Variants in CTNND2 observed in about 807,000 individuals in gnomAD.
CTNND2 encodes the protein catenin delta-2.
CTNND2 carries 22 observed loss-of-function variants against 144.4 expected under a neutral mutation model. The ratio of observed to expected loss-of-function variants is 0.15; its 90% CI spans 0.11 to 0.22. The LOEUF (loss-of-function observed/expected upper bound fraction) is 0.22. CTNND2 is among the 10% of genes least tolerant of loss of function. CTNND2 has a pLI of 1.00. For synonymous variants in CTNND2, 751 were observed against 695.6 expected, an observed-to-expected ratio of 1.08 and a Z score of -1.25; for missense variants, 1,353 against 1,618.8, an observed-to-expected ratio of 0.84 and a Z score of 2.82.
At chr5:11,712,175 CAT>C (rs1254077211) in intron 2 of CTNND2, among the ~76,000 whole-genome samples, 2 of 152,164 alleles carry the variant, frequency 1.3e-5, no homozygotes, top group Non-Finnish European at 2.9e-5. Flanking sequence ...GAACTAGACA[CAT>C]ACAAACTACT....
chr5:11,555,906 A>G (rs1249976024), intron 3 of CTNND2, among the ~76,000 whole-genome samples: 1 of 152,198 alleles, frequency 6.6e-6, no homozygotes, highest in African/African-American at 2.4e-5. Flanking sequence ...ATATGTCTAT[A>G]GTCCCTCTAA....
chr5:11,533,886 T>C (rs1365475694), intron 3 of CTNND2, among the ~76,000 whole-genome samples: 1 of 152,204 alleles, frequency 6.6e-6, no homozygotes, highest in African/African-American at 2.4e-5. Flanking sequence ...CAGGGCTTAG[T>C]GATCTGGACT....
At chr5:11,262,934 C>A (rs988090114) in intron 9 of CTNND2, among the ~76,000 whole-genome samples, 16 of 152,136 alleles carry the variant, frequency 1.1e-4, no homozygotes, top group African/African-American at 3.6e-4. Flanking sequence ...ACTTTTCCTG[C>A]CGAGAATCGT....
chr5:11,333,544 G>A (rs1360462190), intron 9 of CTNND2, among the ~76,000 whole-genome samples: 2 of 152,136 alleles, frequency 1.3e-5, no homozygotes, highest in Non-Finnish European at 2.9e-5. Flanking sequence ...GGGAAAGATG[G>A]ATAGTTTTGT....
chr5:11,588,866 T>C (rs995781133), intron 2 of CTNND2: 10 of 985,314 alleles, frequency 1.0e-5, no homozygotes, highest in Non-Finnish European at 1.2e-5. Context: ...AGGCGGTTCC[T>C]GGCATCCTAC....
intron 11 of CTNND2, among the ~76,000 whole-genome samples, chr5:11,163,010 A>T (rs1416706892): frequency 6.6e-6 from 1 of 152,002 alleles, no homozygotes; most frequent in African/African-American, 2.4e-5. Context: ...TGGAAAATAA[A>T]TTTTTTCCTC....
chr5:11,569,675 G>A (rs1288939832), intron 2 of CTNND2, among the ~76,000 whole-genome samples: 2 of 152,028 alleles, frequency 1.3e-5, no homozygotes, highest in East Asian at 3.8e-4. Flanking sequence ...TAGTTGGGAT[G>A]GTATCATCCA....
intron 2 of CTNND2, among the ~76,000 whole-genome samples, chr5:11,692,877 C>T (rs1016048392): frequency 3.8e-4 from 58 of 152,230 alleles, no homozygotes; most frequent in Admixed American, 2.8e-3. Flanking sequence ...GCTGGGATTA[C>T]GGGCATGGGC....
intron 7 of CTNND2, among the ~76,000 whole-genome samples, chr5:11,378,808 G>A (rs1758188076): frequency 6.6e-6 from 1 of 151,982 alleles, no homozygotes; most frequent in Admixed American, 6.6e-5. Context: ...CTCATATAAA[G>A]TGTACCTGGA....
chr5:11,318,942 T>A (rs912336979), intron 9 of CTNND2, among the ~76,000 whole-genome samples: 12 of 151,692 alleles, frequency 7.9e-5, no homozygotes, highest in Non-Finnish European at 1.5e-5. Flanking sequence ...ATATATATAT[T>A]AATAATGAGA....
intron 9 of CTNND2, among the ~76,000 whole-genome samples, chr5:11,326,569 C>T (rs1422343557): frequency 6.6e-6 from 1 of 152,154 alleles, no homozygotes; most frequent in African/African-American, 2.4e-5. Flanking sequence ...CCATCCTGAA[C>T]AGAGTTTGCA....
intron 11 of CTNND2, among the ~76,000 whole-genome samples, chr5:11,177,162 C>T (rs963754609): frequency 6.6e-6 from 1 of 152,140 alleles, no homozygotes; most frequent in East Asian, 1.9e-4. Flanking sequence ...TCCCTTATTT[C>T]ACGTCAACAA....
chr5:11,903,588 A>T lies in CTNND2; in HGVS notation c.37+229T>A, dbSNP rs917825861. Among the ~76,000 whole-genome samples the T allele has an allele frequency of 1.1e-4, 16 of 152,112 alleles. No individual in the cohort carries two copies. Among genetic ancestry groups the T allele is most frequent in the African/African-American group, 3.9e-4 (16 of 41,436 alleles). ...GGAGCACGCAGGGCAGCCACTTGGTAACCGCTCCAAGAAAGGCACTAACCC... is the reference window on the plus strand; with the variant it reads ...GGAGCACGCAGGGCAGCCACTTGGTTACCGCTCCAAGAAAGGCACTAACCC... On this transcript the variant is annotated intron_variant, in intron 1 of 21. Transcript: ENST00000304623. The surrounding 1 kb of genome is among the most constrained non-coding windows in gnomAD (Gnocchi z 5.4).
At chr5:11,587,785 G>A (rs1003180699) in intron 2 of CTNND2, among the ~76,000 whole-genome samples, 14 of 152,004 alleles carry the variant, frequency 9.2e-5, no homozygotes, top group South Asian at 4.2e-4. Context: ...CCATTTTACC[G>A]CACTCACAAT....
chr5:11,153,751 C>T (rs1757962291), intron 12 of CTNND2, among the ~76,000 whole-genome samples: 1 of 150,932 alleles, frequency 6.6e-6, no homozygotes, highest in Non-Finnish European at 1.5e-5. Flanking sequence ...TATTGTTGTC[C>T]TTTAGGACAA....
chr5:11,473,256 A>G (rs1045068102), intron 3 of CTNND2, among the ~76,000 whole-genome samples: 4 of 152,200 alleles, frequency 2.6e-5, no homozygotes, highest in African/African-American at 9.7e-5. Context: ...ACCCAACTGA[A>G]GAAGGCCAAC....
intron 9 of CTNND2, among the ~76,000 whole-genome samples, chr5:11,319,354 T>G (rs1751810268): frequency 1.3e-5 from 2 of 152,202 alleles, no homozygotes; most frequent in South Asian, 4.1e-4. Flanking sequence ...ACAATAATTT[T>G]GTGTAAAATT....
At chr5:11,305,196 G>T (rs1417522273) in intron 9 of CTNND2, among the ~76,000 whole-genome samples, 1 of 151,832 alleles carries the variant, frequency 6.6e-6, no homozygotes, top group Non-Finnish European at 1.5e-5. Context: ...CCACCCGACA[G>T]GGCAGGTACT....
chr5:11,679,098 G>A (rs1389786009), intron 2 of CTNND2, among the ~76,000 whole-genome samples: 1 of 151,980 alleles, frequency 6.6e-6, no homozygotes, highest in Admixed American at 6.6e-5. Context: ...GGCCCTTCCT[G>A]AAACGATGCC....
Sources: gnomAD v4.1 joint callset for allele counts (sites outside exome capture counted in the v4.1 genomes callset) on GRCh38, gnomAD v4.1.1 for gene constraint, Gnocchi (gnomAD v3.1) non-coding constraint, MANE v1.5 for transcripts, NCBI Gene and HGNC (gene_info 2026-07-23, HGNC 2026-07-21) for gene names.